KPNB1: variants seen among roughly 807,000 people sequenced by gnomAD.
KPNB1 encodes the protein karyopherin subunit beta 1.
KPNB1 carries 7 observed loss-of-function variants against 113.0 expected under a neutral mutation model. The observed-to-expected ratio is 0.06, with a 90% CI of 0.04 to 0.12. KPNB1 has a LOEUF of 0.12. Among genes scored for constraint, KPNB1 ranks in the 10% least tolerant of loss-of-function variants. The probability of loss-of-function intolerance (pLI) is 1.00; values close to 1 mark genes in which losing one functional copy is unlikely to be tolerated. For synonymous variants in KPNB1, 363 were observed against 378.6 expected (o/e 0.96, Z 0.48); for missense variants, 400 against 1,054.8 (o/e 0.38, Z 8.60).
intron 6 of KPNB1, 94 bp from the exon 7 acceptor site, chr17:47,662,991 CAATT>C (rs111355449): frequency 0.035 from 27,114 of 766,242 alleles, 912 homozygotes; most frequent in East Asian, 0.11. Context: ...ATATTTACCT[CAATT>C]AATCCTTAGG....
intron 3 of KPNB1, among the ~76,000 whole-genome samples, chr17:47,656,429 T>C (rs1313306668): frequency 6.6e-6 from 1 of 152,142 alleles, no homozygotes; most frequent in Non-Finnish European, 1.5e-5. Flanking sequence ...GTGCCTGTAG[T>C]CTAAGCTACT....
chr17:47,653,294 G>T (rs1426460008), intron 3 of KPNB1, among the ~76,000 whole-genome samples: 1 of 27,344 alleles, frequency 3.7e-5, no homozygotes, highest in African/African-American at 2.1e-4. Context: ...TTTTTTTTTG[G>T]AGACAGTCTT....
chr17:47,662,122 T>C (rs774891693), intron 6 of KPNB1: 2 of 152,014 alleles, frequency 1.3e-5, no homozygotes, highest in Non-Finnish European at 2.9e-5. Flanking sequence ...AAAAAAAGAC[T>C]GAGGCCAGGC....
At chr17:47,658,389 A>C in intron 4 of KPNB1, 119 bp from the exon 5 acceptor site, 1 of 1,085,328 alleles carries the variant, frequency 9.2e-7, no homozygotes, top group Non-Finnish European at 1.3e-6. Context: ...TACAGATGCA[A>C]CCATCCATTT....
chr17:47,652,613 T>G, intron 2 of KPNB1, 81 bp from the exon 3 acceptor site: 2 of 1,136,856 alleles, frequency 1.8e-6, no homozygotes, highest in Non-Finnish European at 2.4e-6. Context: ...GCCCCTCTGG[T>G]GGTTCAGTGC....
Position 47,670,801 on chromosome 17 carries a change from A to G in KPNB1, c.1516A>G (p.Ile506Val), listed in dbSNP as rs752551504. 3 of 1,611,960 alleles carry G rather than the reference A, an allele frequency of 1.9e-6. No homozygotes were observed. Among genetic ancestry groups the G allele is most frequent in the Admixed American group, 1.7e-5 (1 of 60,008 alleles). The change falls in exon 12 of 22, where the codon ATA becomes GTA. Residue 506 changes from isoleucine (I) to valine (V), a missense_variant. Coordinates refer to ENST00000290158, the MANE Select transcript of KPNB1 (RefSeq NM_002265.6). ...TYCLSSSFEL[I>V]VQKLLETTDR... ...CTGCTTATCTTCTTCATTTGAACTC[A>G]TAGTTCAGAAGCTCCTAGAGACTAC...
intron 9 of KPNB1, among the ~76,000 whole-genome samples, chr17:47,666,442 A>T (rs1257757803): frequency 5.6e-5 from 8 of 141,896 alleles, no homozygotes; most frequent in Non-Finnish European, 1.1e-4. Flanking sequence ...TATATTATAT[A>T]TTTTATATAT....
At chr17:47,668,740 T>A (rs1193422981) in intron 10 of KPNB1, among the ~76,000 whole-genome samples, 2 of 152,210 alleles carry the variant, frequency 1.3e-5, no homozygotes, top group Admixed American at 1.3e-4. Context: ...GATTGTTTTA[T>A]AACTTGTTTC....
At chr17:47,674,859 C>T in intron 15 of KPNB1, 77 bp downstream of exon 15, 1 of 1,460,710 alleles carries the variant, frequency 6.8e-7, no homozygotes, top group South Asian at 1.3e-5. Flanking sequence ...AATTGTCACC[C>T]AGGCTGGAGT....
chr17:47,662,851 C>G (rs112375773), intron 6 of KPNB1, among the ~76,000 whole-genome samples: 5 of 152,148 alleles, frequency 3.3e-5, no homozygotes, highest in Middle Eastern at 3.4e-3. Flanking sequence ...CCACTGCACT[C>G]CAGCCTGGGC....
Position 47,683,720 on chromosome 17 carries a change from AAAAC to A in KPNB1, c.*1320_*1323del, listed in dbSNP as rs1334905644. 3.9e-4 allele frequency: 10 copies of A among 25,426 alleles called. No homozygotes were observed. The highest frequency in any genetic ancestry group is 7.4e-4 in the Non-Finnish European group (10 of 13,588). 1.6% of individuals were successfully genotyped at this position (25,426 alleles called of 1,614,324 possible). ...CACTTCAAAAGCAACCAACAAAACA[AAAAC>A]AAAAAAAAGTGTGTGTTGTGTGAAT... On this transcript the variant is annotated 3_prime_UTR_variant, in exon 22 of 22. Transcript: ENST00000290158.
At chr17:47,671,505 CAAT>C (rs1483058891) in intron 12 of KPNB1, among the ~76,000 whole-genome samples, 1 of 151,010 alleles carries the variant, frequency 6.6e-6, no homozygotes, top group Non-Finnish European at 1.5e-5. Flanking sequence ...CACACCAAAT[CAAT>C]AACTACCATT....
intron 11 of KPNB1, chr17:47,670,301 G>A: frequency 4.6e-6 from 1 of 216,558 alleles, no homozygotes; most frequent in Non-Finnish European, 9.5e-6. Flanking sequence ...AAGGAATGGG[G>A]CTAAACGTCT....
At position 47,677,143 on chromosome 17, in the gene KPNB1, C is replaced by T; in HGVS notation, c.2103+16C>T. 3 of 1,518,494 alleles carry T rather than the reference C, an allele frequency of 2.0e-6. No homozygotes were observed. The highest frequency in any genetic ancestry group is 2.7e-6 in the Non-Finnish European group (3 of 1,094,108). 94.1% of individuals were successfully genotyped at this position (1,518,494 alleles called of 1,614,324 possible). On this transcript the variant is annotated intron_variant, in intron 17 of 21. Coordinates refer to ENST00000290158, the MANE Select transcript of KPNB1 (RefSeq NM_002265.6). ...AAATTTGGGGGTGAGTATCTACACA[C>T]AATCTAATTAACCAGTCTTCTTTGA...
At position 47,650,001 on chromosome 17, in the gene KPNB1, T is replaced by G; in HGVS notation, c.-244T>G. 7.4e-7 allele frequency: 1 copy of G among 1,355,306 alleles called. No homozygotes were observed. Among genetic ancestry groups the G allele is most frequent in the Non-Finnish European group, 9.4e-7 (1 of 1,059,606 alleles). The allele number at this position is 1,355,306 out of a possible 1,614,324, so 84.0% of individuals were successfully genotyped here. A position where few individuals can be genotyped will look rare whatever the true frequency, so the allele number is the denominator to read the frequency against. On this transcript the variant is annotated 5_prime_UTR_variant, in exon 1 of 22. Transcript: ENST00000290158. ...TCCCGAGCACCAGCGCGCTCTGAGC[T>G]GCCCCCAGGGTCCCTCCCCCGCCGC...
intron 5 of KPNB1, 97 bp from the exon 6 acceptor site, chr17:47,661,022 G>C (rs1354280928): frequency 1.2e-5 from 11 of 896,964 alleles, no homozygotes; most frequent in Non-Finnish European, 1.8e-5. Flanking sequence ...GGGGCCCTGA[G>C]GGGGAGTGAG....
intron 10 of KPNB1, 51 bp downstream of exon 10, chr17:47,668,461 C>T: frequency 7.1e-7 from 1 of 1,405,336 alleles, no homozygotes. Context: ...ATTGTTTAAA[C>T]TTAAAGCATA....
At chr17:47,675,372 G>GTTTTTTTTTTTTTTTTTTTTTTTT (rs755565036) in intron 15 of KPNB1, among the ~76,000 whole-genome samples, 1 of 86,076 alleles carries the variant, frequency 1.2e-5, no homozygotes, top group East Asian at 3.8e-4. Context: ...TTTTTTTTTT[G>GTTTTTTTTTTTTTTTTTTTTTTTT]TTTTTTTTTT....
At chr17:47,664,113 C>A (rs1281726171) in intron 7 of KPNB1, 46 bp from the exon 8 acceptor site, 2 of 1,280,534 alleles carry the variant, frequency 1.6e-6, no homozygotes, top group Admixed American at 3.4e-5. Flanking sequence ...CAGGGACTCA[C>A]TTGAATCAGT....
Sources: gnomAD v4.1 joint callset for allele counts (sites outside exome capture counted in the v4.1 genomes callset) on GRCh38, gnomAD v4.1.1 for gene constraint, MANE v1.5 for transcripts, NCBI Gene and HGNC (gene_info 2026-07-23, HGNC 2026-07-21) for gene names.